Variants in OR4K2 observed in about 807,000 individuals in gnomAD.
OR4K2 encodes olfactory receptor 4K2.
In OR4K2, 8 loss-of-function variants were observed where a neutral mutation model predicts 10.5. The observed-to-expected ratio is 0.76, with a 90% CI of 0.45 to 1.37. The LOEUF is 1.37. OR4K2 is among the 40% of genes most tolerant of loss of function. The pLI is 0.00. For missense variants in OR4K2, 547 were observed against 379.5 expected (o/e 1.44, Z -3.67); for synonymous variants, 178 against 133.6 (o/e 1.33, Z -2.29).
rs1229176740 is a variant in OR4K2, at chr14:19,882,482, G to T, written c.*5270G>T. On this transcript the variant is annotated 3_prime_UTR_variant, in exon 2 of 2. Transcript: ENST00000641885. ...CTTTTTATTGCAGTGTAAAAGCAAG[G>T]TAAAGAAAAATACACAAACATGTTT... 1 of 152,152 alleles carries T rather than the reference G, an allele frequency of 6.6e-6. No homozygotes were observed. Among genetic ancestry groups the T allele is most frequent in the African/African-American group, 2.4e-5 (1 of 41,418 alleles). 9.4% of individuals were successfully genotyped at this position (152,152 alleles called of 1,614,324 possible).
Position 19,878,496 on chromosome 14 carries a change from C to T in OR4K2, c.*1284C>T, listed in dbSNP as rs1050270545. On this transcript the variant is annotated 3_prime_UTR_variant, in exon 2 of 2. Coordinates refer to ENST00000641885, the MANE Select transcript of OR4K2 (RefSeq NM_001005501.2). ...GTAAATGGAGAAAACAAATGAAATG[C>T]ATTAATTATCATTTATGAAAGATAA... 1 of 152,194 alleles carries T rather than the reference C, an allele frequency of 6.6e-6. No homozygotes were observed. Among genetic ancestry groups the T allele is most frequent in the Non-Finnish European group, 1.5e-5 (1 of 68,004 alleles). 9.4% of individuals were successfully genotyped at this position (152,194 alleles called of 1,614,324 possible).
rs751443657 is a variant in OR4K2 at position 19,876,851 on chromosome 14, T to G, written c.584T>G (p.Leu195Arg). The G allele has an allele frequency of 6.2e-7, 1 of 1,614,200 alleles. No homozygotes were observed. The highest frequency in any genetic ancestry group is 8.5e-7 in the Non-Finnish European group (1 of 1,180,002). Reference protein sequence around the residue: ...FQLACVDTYVLGLFMISTSGI... With the variant: ...FQLACVDTYVRGLFMISTSGI... ...TTGGCTTGTGTGGATACTTATGTTC[T>G]GGGCCTCTTTATGATCTCAACAAGT... The change falls in exon 2 of 2, where the codon CTG becomes CGG. Residue 195 changes from leucine to arginine, a missense_variant. By Grantham distance (102) the Leu-to-Arg change is moderately radical (BLOSUM62 -2). Transcript: ENST00000641885.
chr14:19,877,248 T>C lies in OR4K2; in HGVS notation c.*36T>C, dbSNP rs1167231376. ...ACAGAACATTAGACACAATGCTGTG[T>C]TAGGCTTTTCTTTCTAGAGGGTTCT... On this transcript the variant is annotated 3_prime_UTR_variant, in exon 2 of 2. Transcript: ENST00000641885. 1.4e-6 allele frequency: 2 copies of C among 1,400,106 alleles called. No homozygotes were observed. Among genetic ancestry groups the C allele is most frequent in the East Asian group, 2.3e-5 (1 of 43,906 alleles). The allele number at this position is 1,400,106 out of a possible 1,614,324, so 86.7% of individuals were successfully genotyped here.
At position 19,876,245 on chromosome 14, in the gene OR4K2, G is replaced by T. The variant is rs1412411534; in HGVS notation, c.-23G>T. 6 of 951,164 alleles carry T rather than the reference G, an allele frequency of 6.3e-6. No individual in the cohort carries two copies. Among genetic ancestry groups the T allele is most frequent in the South Asian group, 1.6e-5 (1 of 63,266 alleles). The allele number at this position is 951,164 out of a possible 1,614,324, so 58.9% of individuals were successfully genotyped here. A position where few individuals can be genotyped will look rare whatever the true frequency, so the allele number is the denominator to read the frequency against. ...TTTTTTTTTTTTTTTCGTGATACAG[G>T]CTTCTGCCTATGAATCAAGACAATG... is the stretch of plus-strand genomic sequence containing the variant. On this transcript the variant is annotated splice_region_variant and 5_prime_UTR_variant, in exon 2 of 2. Transcript: ENST00000641885.
In OR4K2 at chr14:19,876,995, A is replaced by T; in HGVS notation, c.728A>T (p.His243Leu). ...AAGGCCCTTTCTACTTGTACAGCTCATTTCATTGTTGTCTTCTTGTTCTTT... is the reference window on the plus strand; with the variant it reads ...AAGGCCCTTTCTACTTGTACAGCTCTTTTCATTGTTGTCTTCTTGTTCTTT... ...SSKALSTCTAHFIVVFLFFGP... is the reference protein window; with the variant it reads ...SSKALSTCTALFIVVFLFFGP... Residue 243 changes from histidine (H) to leucine (L), a missense_variant, in exon 2 of 2, where the codon CAT (histidine) becomes CTT (leucine). Coordinates refer to ENST00000641885, the MANE Select transcript of OR4K2 (RefSeq NM_001005501.2). The T allele has an allele frequency of 6.2e-7, 1 of 1,613,866 alleles. No individual in the cohort carries two copies. Among genetic ancestry groups the T allele is most frequent in the Non-Finnish European group, 8.5e-7 (1 of 1,179,948 alleles).
chr14:19,876,881 T>C lies in OR4K2; in HGVS notation c.614T>C (p.Ile205Thr). ...LGLFMISTSG[I>T]IALSCFIVLF... ...CTCTTTATGATCTCAACAAGTGGCA[T>C]AATTGCGTTGTCCTGTTTTATTGTT... is the stretch of plus-strand genomic sequence containing the variant. Residue 205 changes from isoleucine to threonine, a missense_variant, in exon 2 of 2, where the codon ATA becomes ACA. Physicochemically the swap from Ile to Thr is moderately conservative, Grantham distance 89 (BLOSUM62 -1). Coordinates refer to ENST00000641885, the MANE Select transcript of OR4K2 (RefSeq NM_001005501.2). The C allele has an allele frequency of 6.2e-7, 1 of 1,614,240 alleles. No individual in the cohort carries two copies. Among genetic ancestry groups the C allele is most frequent in the Non-Finnish European group, 8.5e-7 (1 of 1,180,014 alleles).
Position 19,877,232 on chromosome 14 carries a change from T to C in OR4K2, c.*20T>C, listed in dbSNP as rs1880933307. 2.0e-6 allele frequency: 3 copies of C among 1,471,244 alleles called. No homozygotes were observed. Among genetic ancestry groups the C allele is most frequent in the Non-Finnish European group, 2.8e-6 (3 of 1,076,670 alleles). 91.1% of individuals were successfully genotyped at this position (1,471,244 alleles called of 1,614,324 possible). On this transcript the variant is annotated 3_prime_UTR_variant, in exon 2 of 2. Coordinates refer to ENST00000641885, the MANE Select transcript of OR4K2 (RefSeq NM_001005501.2). ...TCATAGTTTTTGTGACACAGAACATTAGACACAATGCTGTGTTAGGCTTTT... is the reference window on the plus strand; with the variant it reads ...TCATAGTTTTTGTGACACAGAACATCAGACACAATGCTGTGTTAGGCTTTT...
rs1187399108 is a variant in OR4K2 at position 19,876,653 on chromosome 14, C to T, written c.386C>T (p.Pro129Leu). 2 of 1,614,150 alleles carry T rather than the reference C, an allele frequency of 1.2e-6. No individual in the cohort carries two copies. Among genetic ancestry groups the T allele is most frequent in the Admixed American group, 1.7e-5 (1 of 60,020 alleles). Residue 129 changes from proline to leucine, a missense_variant, in exon 2 of 2, where the codon CCC becomes CTC. Pro to Leu is a moderately conservative substitution (Grantham distance 98). Transcript: ENST00000641885. Reference protein sequence around the residue: ...SFDRYIAICKPLHYASVISPQ... With the variant: ...SFDRYIAICKLLHYASVISPQ... ...GATAGGTATATTGCAATATGCAAGC[C>T]CCTGCACTATGCTTCTGTCATTAGT...
At position 19,876,555 on chromosome 14, in the gene OR4K2, C is replaced by T; in HGVS notation, c.288C>T (p.Gly96=). The T allele has an allele frequency of 3.7e-6, 6 of 1,614,204 alleles. No homozygotes were observed. Among genetic ancestry groups the T allele is most frequent in the Non-Finnish European group, 5.1e-6 (6 of 1,180,020 alleles). The change falls in exon 2 of 2, where the codon GGC becomes GGT. Residue 96 remains glycine (G), a synonymous_variant. Transcript: ENST00000641885. ...LTGHKTISFD[G]CLTQIFFLHL... ...GTCACAAAACCATCTCTTTTGATGG[C>T]TGCCTTACCCAGATATTCTTTCTCC...
chr14:19,881,644 G>T lies in OR4K2; in HGVS notation c.*4432G>T, dbSNP rs1881038837. 1 of 151,862 alleles carries T rather than the reference G, an allele frequency of 6.6e-6. No homozygotes were observed. Among genetic ancestry groups the T allele is most frequent in the Non-Finnish European group, 1.5e-5 (1 of 68,004 alleles). 9.4% of individuals were successfully genotyped at this position (151,862 alleles called of 1,614,324 possible). On this transcript the variant is annotated 3_prime_UTR_variant, in exon 2 of 2. Transcript: ENST00000641885. ...ATTAAAAAATGTTCTCGGGCTGGAG[G>T]CTCCAGGTTTTTTTCCCCCATTAGC... is the stretch of plus-strand genomic sequence containing the variant.
rs1279628624 is a variant in OR4K2 at position 19,875,596 on chromosome 14, C to T, written c.-562C>T. ...GAAAGGACCAAAAGAAGTTAAATGCCTTTCCTTTGTCTGTATGACTGTATT... is the reference window on the plus strand; with the variant it reads ...GAAAGGACCAAAAGAAGTTAAATGCTTTTCCTTTGTCTGTATGACTGTATT... On this transcript the variant is annotated 5_prime_UTR_variant, in exon 1 of 2. Coordinates refer to ENST00000641885, the MANE Select transcript of OR4K2 (RefSeq NM_001005501.2). The T allele has an allele frequency of 6.6e-6, 1 of 152,208 alleles. No individual in the cohort carries two copies. The highest frequency in any genetic ancestry group is 1.5e-5 in the Non-Finnish European group (1 of 68,030). 9.4% of individuals were successfully genotyped at this position (152,208 alleles called of 1,614,324 possible). A position where few individuals can be genotyped will look rare whatever the true frequency, so the allele number is the denominator to read the frequency against.
rs1881077132 is a variant in OR4K2, at chr14:19,882,995, T to C, written c.*5783T>C. The C allele has an allele frequency of 1.3e-5, 2 of 152,396 alleles. No homozygotes were observed. Among genetic ancestry groups the C allele is most frequent in the South Asian group, 2.1e-4 (1 of 4,838 alleles). The allele number at this position is 152,396 out of a possible 1,614,324, so 9.4% of individuals were successfully genotyped here. A position where few individuals can be genotyped will look rare whatever the true frequency, so the allele number is the denominator to read the frequency against. On this transcript the variant is annotated 3_prime_UTR_variant, in exon 2 of 2. Transcript: ENST00000641885. ...GGCGCCCGCCACCACGCCCAGCTAA[T>C]TTTTTGTATTTTTAGTAGAGAAGGG...
chr14:19,876,343 T>A lies in OR4K2; in HGVS notation c.76T>A (p.Phe26Ile). Reference protein sequence around the residue: ...GLSNSWELQMFFFMVFSLLYV... With the variant: ...GLSNSWELQMIFFMVFSLLYV... ...CTCTAATTCCTGGGAACTACAGATG[T>A]TTTTCTTTATGGTGTTTTCATTGCT... is the stretch of plus-strand genomic sequence containing the variant. The change falls in exon 2 of 2, where the codon TTT becomes ATT. Residue 26 changes from phenylalanine (F) to isoleucine (I), a missense_variant. By Grantham distance (21) the Phe-to-Ile change is conservative. Coordinates refer to ENST00000641885, the MANE Select transcript of OR4K2 (RefSeq NM_001005501.2). 2 of 1,614,070 alleles carry A rather than the reference T, an allele frequency of 1.2e-6. No individual in the cohort carries two copies. Among genetic ancestry groups the A allele is most frequent in the Non-Finnish European group, 1.7e-6 (2 of 1,179,974 alleles).
Position 19,881,510 on chromosome 14 carries a change from CAAAT to C in OR4K2, c.*4303_*4306del, listed in dbSNP as rs796520959. Reference sequence around the variant, plus strand: ...TTCTCTTTGATTTTTGTAAAACAAACAAATAAATTCCAATATCTAGTATGCACTA... The same window carrying C: ...TTCTCTTTGATTTTTGTAAAACAAACAAATTCCAATATCTAGTATGCACTA... On this transcript the variant is annotated 3_prime_UTR_variant, in exon 2 of 2. Coordinates refer to ENST00000641885, the MANE Select transcript of OR4K2 (RefSeq NM_001005501.2). The C allele has an allele frequency of 7.2e-5, 11 of 152,012 alleles. No homozygotes were observed. Among genetic ancestry groups the C allele is most frequent in the African/African-American group, 2.2e-4 (9 of 41,450 alleles). 9.4% of individuals were successfully genotyped at this position (152,012 alleles called of 1,614,324 possible). A position where few individuals can be genotyped will look rare whatever the true frequency, so the allele number is the denominator to read the frequency against.
Position 19,878,410 on chromosome 14 carries a change from A to G in OR4K2, c.*1198A>G, listed in dbSNP as rs1200523014. The stretch of plus-strand genomic sequence containing the variant: ...TGATCCAACATGTATCCACAAAGGG[A>G]AAGATATGTTGCAACCACAGTATTT... On this transcript the variant is annotated 3_prime_UTR_variant, in exon 2 of 2. Coordinates refer to ENST00000641885, the MANE Select transcript of OR4K2 (RefSeq NM_001005501.2). The G allele has an allele frequency of 6.6e-6, 1 of 152,212 alleles. No homozygotes were observed. Among genetic ancestry groups the G allele is most frequent in the Non-Finnish European group, 1.5e-5 (1 of 67,998 alleles). 9.4% of individuals were successfully genotyped at this position (152,212 alleles called of 1,614,324 possible).
rs1054012152 is a variant in OR4K2, at chr14:19,880,087, A to T, written c.*2875A>T. Reference sequence around the variant, plus strand: ...GATTTTTTTGTAAAGCTCATCAGCTATCTTTAGTATCAGTGTATTTTATGT... The same window carrying T: ...GATTTTTTTGTAAAGCTCATCAGCTTTCTTTAGTATCAGTGTATTTTATGT... On this transcript the variant is annotated 3_prime_UTR_variant, in exon 2 of 2. Transcript: ENST00000641885. The T allele has an allele frequency of 1.3e-5, 2 of 152,910 alleles. No individual in the cohort carries two copies. The highest frequency in any genetic ancestry group is 4.8e-5 in the African/African-American group (2 of 41,474). The allele number at this position is 152,910 out of a possible 1,614,324, so 9.5% of individuals were successfully genotyped here. A position where few individuals can be genotyped will look rare whatever the true frequency, so the allele number is the denominator to read the frequency against.
rs550218519 is a variant in OR4K2, at chr14:19,877,587, A to G, written c.*375A>G. 5.3e-4 allele frequency: 102 copies of G among 194,108 alleles called. No individual in the cohort carries two copies. Among genetic ancestry groups the G allele is most frequent in the Non-Finnish European group, 9.0e-4 (85 of 93,938 alleles). The allele number at this position is 194,108 out of a possible 1,614,324, so 12.0% of individuals were successfully genotyped here. On this transcript the variant is annotated 3_prime_UTR_variant, in exon 2 of 2. Coordinates refer to ENST00000641885, the MANE Select transcript of OR4K2 (RefSeq NM_001005501.2). ...AGATGCTCCTAAAGTATGACAAGCT[A>G]GCAAGATTCCTATAATCCTTAGGAA...
rs535830649 is a variant in OR4K2, at chr14:19,881,571, C to T, written c.*4359C>T. Reference sequence around the variant, plus strand: ...TATAGTTTCATTTTTATTTTTTACTCTGATAATTTACACTGCCAATATAAG... The same window carrying T: ...TATAGTTTCATTTTTATTTTTTACTTTGATAATTTACACTGCCAATATAAG... On this transcript the variant is annotated 3_prime_UTR_variant, in exon 2 of 2. Transcript: ENST00000641885. 1 of 151,778 alleles carries T rather than the reference C, an allele frequency of 6.6e-6. No individual in the cohort carries two copies. The highest frequency in any genetic ancestry group is 2.4e-5 in the African/African-American group (1 of 41,276). 9.4% of individuals were successfully genotyped at this position (151,778 alleles called of 1,614,324 possible).
chr14:19,882,242 A>C lies in OR4K2; in HGVS notation c.*5030A>C, dbSNP rs1049337087. The C allele has an allele frequency of 1.3e-5, 2 of 152,404 alleles. No homozygotes were observed. The highest frequency in any genetic ancestry group is 1.5e-5 in the Non-Finnish European group (1 of 68,140). The allele number at this position is 152,404 out of a possible 1,614,324, so 9.4% of individuals were successfully genotyped here. On this transcript the variant is annotated 3_prime_UTR_variant, in exon 2 of 2. Coordinates refer to ENST00000641885, the MANE Select transcript of OR4K2 (RefSeq NM_001005501.2). ...ATCATCTTGCTCACCAGCGGCAATT[A>C]TATCAGTAGATCCCTCTGCCTCACT...
Sources: allele counts gnomAD v4.1 joint callset, GRCh38; gene constraint gnomAD v4.1.1; transcripts MANE v1.5; gene names NCBI Gene and HGNC (gene_info 2026-07-23, HGNC 2026-07-21).